Variants in XXYLT1 observed in about 807,000 individuals in gnomAD.
XXYLT1 encodes the protein UDP-xylose:alpha-xyloside alpha-1,3-xylosyltransferase.
XXYLT1 carries 20 observed loss-of-function variants against 28.9 expected under a neutral mutation model. That is an observed-to-expected ratio of 0.69 (90% CI 0.49 to 1.00). The LOEUF (loss-of-function observed/expected upper bound fraction) is 1.00. Ranked by LOEUF, XXYLT1 falls within the 50% of genes least tolerant of loss-of-function variation. The probability of loss-of-function intolerance (pLI) is 0.00; values close to 1 mark genes in which losing one functional copy is unlikely to be tolerated. For missense variants in XXYLT1, 542 were observed against 560.1 expected (o/e 0.97, Z 0.33); for synonymous variants, 257 against 253.8 (o/e 1.01, Z -0.12).
chr3:195,185,085 A>AGAAG (rs10575198), intron 2 of XXYLT1, among the ~76,000 whole-genome samples: 2,480 of 100,538 alleles, frequency 0.025, 29 homozygotes, highest in African/African-American at 0.028. Flanking sequence ...GAAAGAAGGA[A>AGAAG]GAAGGAAGGA....
At chr3:195,253,134 T>G (rs998694965) in intron 1 of XXYLT1, among the ~76,000 whole-genome samples, 1 of 152,198 alleles carries the variant, frequency 6.6e-6, no homozygotes, top group Admixed American at 6.5e-5. Flanking sequence ...CTCCAAGCAC[T>G]TTCTCCTGCC....
At chr3:195,117,785 G>A (rs1279947908) in intron 3 of XXYLT1, among the ~76,000 whole-genome samples, 1 of 152,182 alleles carries the variant, frequency 6.6e-6, no homozygotes, top group Non-Finnish European at 1.5e-5. Flanking sequence ...CTGTGGAGGG[G>A]ACTAATTACA....
intron 3 of XXYLT1, among the ~76,000 whole-genome samples, chr3:195,125,635 C>T (rs1718578339): frequency 6.6e-6 from 1 of 152,236 alleles, no homozygotes; most frequent in African/African-American, 2.4e-5. Context: ...CTCAATCAAT[C>T]CCCTGGCCCC....
chr3:195,133,716 C>G lies in XXYLT1; in HGVS notation c.785+22733G>C, dbSNP rs1719021917. Reference sequence around the variant, plus strand: ...CACGTGACGACGTTGCAGTCAACGACAGAACACACGAACAGAGGATGGTGC... The same window carrying G: ...CACGTGACGACGTTGCAGTCAACGAGAGAACACACGAACAGAGGATGGTGC... On this transcript the variant is annotated intron_variant, in intron 3 of 3. Transcript: ENST00000310380. The surrounding 1 kb of genome is among the most constrained non-coding windows in gnomAD (Gnocchi z 4.4). Among the ~76,000 whole-genome samples, 1 of 152,164 alleles carries G rather than the reference C, an allele frequency of 6.6e-6. No individual in the cohort carries two copies. Among genetic ancestry groups the G allele is most frequent in the Non-Finnish European group, 1.5e-5 (1 of 68,048 alleles).
chr3:195,143,815 GAT>G (rs1162726602), intron 3 of XXYLT1, among the ~76,000 whole-genome samples: 3,774 of 76,894 alleles, frequency 0.049, 363 homozygotes, highest in African/African-American at 0.17. Flanking sequence ...GATATATATA[GAT>G]ATAGATATAT....
intron 2 of XXYLT1, among the ~76,000 whole-genome samples, chr3:195,165,119 G>A (rs1034053916): frequency 3.9e-5 from 6 of 152,088 alleles, no homozygotes; most frequent in African/African-American, 1.2e-4. Context: ...CTAACATGAA[G>A]GTCTCTGTAT....
rs550201456 is a variant in XXYLT1 at position 195,266,054 on chromosome 3, C to A, written c.504+4501G>T. Among the ~76,000 whole-genome samples the A allele has an allele frequency of 2.0e-5, 3 of 152,246 alleles. No homozygotes were observed. In the South Asian group the frequency reaches 6.2e-4, roughly 32 times the overall value. On this transcript the variant is annotated intron_variant, in intron 1 of 3. Coordinates refer to ENST00000310380, the MANE Select transcript of XXYLT1 (RefSeq NM_152531.5). ...TGTGAGACTGCACTTGACAGAAAGA[C>A]AACAGATGCTCAGAAGCAGAGCAAG...
intron 3 of XXYLT1, among the ~76,000 whole-genome samples, chr3:195,086,471 A>AG (rs1176632211): frequency 1.3e-5 from 2 of 152,200 alleles, no homozygotes; most frequent in African/African-American, 4.8e-5. Context: ...ACAGACCTGT[A>AG]GGGGAGAAGT....
intron 3 of XXYLT1, among the ~76,000 whole-genome samples, chr3:195,088,673 G>A (rs1715953142): frequency 5.0e-5 from 7 of 140,890 alleles, no homozygotes; most frequent in African/African-American, 1.8e-4. Flanking sequence ...AAAGCTGGAT[G>A]GAGAATGACT....
chr3:195,227,236 T>C (rs1407301013), intron 1 of XXYLT1, among the ~76,000 whole-genome samples: 1 of 151,994 alleles, frequency 6.6e-6, no homozygotes, highest in Non-Finnish European at 1.5e-5. Flanking sequence ...CACGTGAGAG[T>C]GTGTGATCCT....
intron 1 of XXYLT1, among the ~76,000 whole-genome samples, chr3:195,227,108 T>G (rs1724090364): frequency 6.6e-6 from 1 of 152,130 alleles, no homozygotes; most frequent in Admixed American, 6.5e-5. Flanking sequence ...ATGTACGGGC[T>G]GTGCAGTGGA....
At chr3:195,101,572 T>C (rs979056664) in intron 3 of XXYLT1, among the ~76,000 whole-genome samples, 6 of 152,172 alleles carry the variant, frequency 3.9e-5, no homozygotes, top group African/African-American at 1.4e-4. Flanking sequence ...AATATGGCAG[T>C]TATACATGTA....
At chr3:195,090,247 C>T (rs1050142400) in intron 3 of XXYLT1, among the ~76,000 whole-genome samples, 1 of 151,768 alleles carries the variant, frequency 6.6e-6, no homozygotes, top group African/African-American at 2.4e-5. Flanking sequence ...CCACACCACA[C>T]CTACTCCAAA....
intron 2 of XXYLT1, among the ~76,000 whole-genome samples, chr3:195,187,567 T>C (rs1722256294): frequency 6.6e-6 from 1 of 152,260 alleles, no homozygotes; most frequent in Non-Finnish European, 1.5e-5. Context: ...TAGTGTTTAC[T>C]GGAGCGACTG....
chr3:195,122,314 A>C lies in XXYLT1; in HGVS notation c.785+34135T>G, dbSNP rs1394679502. 6 of 609,578 alleles carry C rather than the reference A, an allele frequency of 9.8e-6. No homozygotes were observed. The Admixed American group carries it at 1.4e-4, about 14-fold the overall frequency. 37.8% of individuals were successfully genotyped at this position (609,578 alleles called of 1,614,324 possible). A position where few individuals can be genotyped will look rare whatever the true frequency, so the allele number is the denominator to read the frequency against. On this transcript the variant is annotated intron_variant, in intron 3 of 3. Coordinates refer to ENST00000310380, the MANE Select transcript of XXYLT1 (RefSeq NM_152531.5). ...AGTCCATTGCACCCCTCAGTAGTCT[A>C]AAAGGGCTGAGGTTAAAAACGCAGA...
At chr3:195,219,937 C>A (rs1257876341) in intron 2 of XXYLT1, among the ~76,000 whole-genome samples, 2 of 152,150 alleles carry the variant, frequency 1.3e-5, no homozygotes, top group Non-Finnish European at 2.9e-5. Flanking sequence ...CAAATCCTAC[C>A]TTTTGAGGGA....
At chr3:195,215,826 T>C (rs1231250450) in intron 2 of XXYLT1, among the ~76,000 whole-genome samples, 3 of 152,188 alleles carry the variant, frequency 2.0e-5, no homozygotes, top group African/African-American at 7.2e-5. Flanking sequence ...GCGGACCTAA[T>C]AGACATCTAC....
At position 195,210,679 on chromosome 3, in the gene XXYLT1, T is replaced by C. The variant is rs1029236957; in HGVS notation, c.652+16030A>G. The stretch of plus-strand genomic sequence containing the variant: ...CCACGTTACTATTTTTAGCATTTTA[T>C]GACAAATTTGCTCAGCTGTCCCTCT... On this transcript the variant is annotated intron_variant, in intron 2 of 3. Coordinates refer to ENST00000310380, the MANE Select transcript of XXYLT1 (RefSeq NM_152531.5). This position sits in a 1 kb window ranked among gnomAD's most constrained non-coding sequence, Gnocchi z 4.8. Among the ~76,000 whole-genome samples, 5 of 152,242 alleles carry C rather than the reference T, an allele frequency of 3.3e-5. No individual in the cohort carries two copies. Among genetic ancestry groups the C allele is most frequent in the Non-Finnish European group, 7.3e-5 (5 of 68,044 alleles).
intron 1 of XXYLT1, among the ~76,000 whole-genome samples, 194 bp from the exon 2 acceptor site, chr3:195,227,050 G>C (rs116162515): frequency 6.6e-6 from 1 of 152,120 alleles, no homozygotes; most frequent in Non-Finnish European, 1.5e-5. Context: ...AATTGAGGCC[G>C]CACTAAGGAG....
Sources: allele counts gnomAD v4.1 joint callset (sites outside exome capture counted in the v4.1 genomes callset), GRCh38; gene constraint gnomAD v4.1.1; non-coding constraint Gnocchi (gnomAD v3.1); transcripts MANE v1.5; gene names NCBI Gene and HGNC (gene_info 2026-07-23, HGNC 2026-07-21).